The following KLHDC4 variants were observed in gnomAD, a reference collection of about 807,000 sequenced individuals.
KLHDC4 encodes the protein kelch domain-containing protein 4.
In KLHDC4, 90 loss-of-function variants were observed where a neutral mutation model predicts 62.4. That is an observed-to-expected ratio of 1.44 (90% CI 1.22 to 1.72). The LOEUF is 1.72. Ranked by LOEUF, KLHDC4 falls within the 40% of genes most tolerant of loss-of-function variation. KLHDC4 has a pLI of 0.00. For missense variants in KLHDC4, 1,025 were observed against 699.7 expected, an observed-to-expected ratio of 1.47 and a Z score of -5.25; for synonymous variants, 386 against 284.4, an observed-to-expected ratio of 1.36 and a Z score of -3.59.
chr16:87,753,339 C>T (rs1379271414), intron 4 of KLHDC4, among the ~76,000 whole-genome samples: 2 of 152,170 alleles, frequency 1.3e-5, no homozygotes, highest in African/African-American at 2.4e-5. Context: ...TCCAACCAGA[C>T]GAGGTGAAAA....
downstream of KLHDC4, among the ~76,000 whole-genome samples, chr16:87,703,928 GAGACTGGCCTCCAGCGCCCCCGGCC>G (rs1273048622): frequency 6.6e-6 from 1 of 152,064 alleles, no homozygotes; most frequent in Non-Finnish European, 1.5e-5. Flanking sequence ...CTATGAAAAC[GAGACTGGCCTCCAGCGCCCCCGGCC>G]TCCACACAAC....
chr16:87,754,289 T>C (rs182167253), intron 4 of KLHDC4, among the ~76,000 whole-genome samples: 1 of 152,140 alleles, frequency 6.6e-6, no homozygotes. Flanking sequence ...GAGGTTGCAA[T>C]GAGCCGAAAT....
chr16:87,703,607 C>G (rs992984247), downstream of KLHDC4, among the ~76,000 whole-genome samples: 2 of 152,252 alleles, frequency 1.3e-5, no homozygotes, highest in African/African-American at 4.8e-5. Flanking sequence ...GCGCTTCTCA[C>G]CCCTCAGTGA....
chr16:87,725,741 C>A (rs1403447687), intron 7 of KLHDC4, among the ~76,000 whole-genome samples: 1 of 152,172 alleles, frequency 6.6e-6, no homozygotes, highest in Admixed American at 6.5e-5. Flanking sequence ...GCAGCAGGCA[C>A]ATGTGAGGAG....
intron 11 of KLHDC4, 60 bp downstream of exon 11, chr16:87,708,290 A>T: frequency 8.8e-7 from 1 of 1,138,308 alleles, no homozygotes; most frequent in Non-Finnish European, 1.3e-6. Flanking sequence ...TCCGATAAAC[A>T]TGAAAAGCCT....
chr16:87,739,117 C>T, intron 5 of KLHDC4, among the ~76,000 whole-genome samples: 2 of 95,938 alleles, frequency 2.1e-5, no homozygotes, highest in Non-Finnish European at 4.3e-5. Flanking sequence ...AGCACCTCAT[C>T]CATCCACACA....
intron 7 of KLHDC4, among the ~76,000 whole-genome samples, chr16:87,720,628 CGA>C (rs1344438323): frequency 1.3e-5 from 2 of 152,252 alleles, no homozygotes; most frequent in Admixed American, 6.5e-5. Context: ...GGACCCATGA[CGA>C]GAGGACCCCC....
intron 2 of KLHDC4, among the ~76,000 whole-genome samples, 186 bp downstream of exon 2, chr16:87,761,763 A>G (rs2045928676): frequency 6.6e-6 from 1 of 152,226 alleles, no homozygotes; most frequent in Non-Finnish European, 1.5e-5. Flanking sequence ...CCCTGCTCCC[A>G]GGTTCCATGA....
chr16:87,757,162 A>G, intron 2 of KLHDC4, among the ~76,000 whole-genome samples: 1 of 151,442 alleles, frequency 6.6e-6, no homozygotes, highest in Non-Finnish European at 1.5e-5. Flanking sequence ...ATCACCTCAA[A>G]ACCATTCTAA....
chr16:87,744,149 C>T (rs2042667275), intron 5 of KLHDC4, among the ~76,000 whole-genome samples: 1 of 152,122 alleles, frequency 6.6e-6, no homozygotes, highest in South Asian at 2.1e-4. Flanking sequence ...GGTACAGTGG[C>T]TCATGCCTGT....
At chr16:87,765,611 AG>A (rs1008304696) in intron 1 of KLHDC4, among the ~76,000 whole-genome samples, 180 bp downstream of exon 1, 3 of 151,846 alleles carry the variant, frequency 2.0e-5, no homozygotes, top group African/African-American at 7.3e-5. Flanking sequence ...GAGACTCAGG[AG>A]GGGGCGGGCC....
In KLHDC4 at chr16:87,708,027, G is replaced by A; in HGVS notation, c.*50C>T. ...GCTTCACTCAACACGGCTGGGTCCT[G>A]GGCGGACGTGGGCACAGCACTTGCC... On this transcript the variant is annotated 3_prime_UTR_variant, in exon 12 of 12. Coordinates refer to ENST00000270583, the MANE Select transcript of KLHDC4 (RefSeq NM_017566.4). 1 of 507,458 alleles carries A rather than the reference G, an allele frequency of 2.0e-6. No individual in the cohort carries two copies. Among genetic ancestry groups the A allele is most frequent in the Non-Finnish European group, 3.8e-6 (1 of 260,358 alleles). 31.4% of individuals were successfully genotyped at this position (507,458 alleles called of 1,614,324 possible). A position where few individuals can be genotyped will look rare whatever the true frequency, so the allele number is the denominator to read the frequency against.
intron 4 of KLHDC4, among the ~76,000 whole-genome samples, chr16:87,752,575 T>C (rs1421975351): frequency 1.3e-5 from 2 of 151,978 alleles, no homozygotes; most frequent in Admixed American, 6.6e-5. Context: ...GACCTTGTGA[T>C]TCGCCCATCC....
chr16:87,760,027 A>G (rs1454647652), intron 2 of KLHDC4, among the ~76,000 whole-genome samples: 2 of 152,064 alleles, frequency 1.3e-5, no homozygotes, highest in Non-Finnish European at 1.5e-5. Flanking sequence ...TCATTCTCAC[A>G]AGGTTTTAAA....
chr16:87,735,811 G>C (rs1337692337), intron 5 of KLHDC4, among the ~76,000 whole-genome samples: 2 of 152,176 alleles, frequency 1.3e-5, no homozygotes, highest in African/African-American at 2.4e-5. Flanking sequence ...CGGCTGCCTC[G>C]AGGCTCAGCA....
At chr16:87,727,051 C>T in intron 6 of KLHDC4, 127 bp from the exon 7 acceptor site, 1 of 964,366 alleles carries the variant, frequency 1.0e-6, no homozygotes, top group Non-Finnish European at 1.5e-6. Context: ...CCATTTTTCT[C>T]CTCTGCTCTT....
rs575622500 is a variant in KLHDC4, at chr16:87,728,878, G to A, written c.599+1674C>T. Reference sequence around the variant, plus strand: ...CAACATCCGCCTCCCCAGTTCAAGCGATTCTCTTGTATCAGCCTCCCGAGT... The same window carrying A: ...CAACATCCGCCTCCCCAGTTCAAGCAATTCTCTTGTATCAGCCTCCCGAGT... On this transcript the variant is annotated intron_variant, in intron 6 of 11. Transcript: ENST00000270583. Among the ~76,000 whole-genome samples the A allele has an allele frequency of 7.9e-5, 12 of 152,232 alleles. No homozygotes were observed. In the Middle Eastern group the frequency reaches 0.014, roughly 173 times the overall value.
chr16:87,709,867 C>T (rs1026153894), intron 9 of KLHDC4, 200 bp from the exon 10 acceptor site: 22 of 631,794 alleles, frequency 3.5e-5, no homozygotes, highest in Middle Eastern at 4.1e-4. Flanking sequence ...CCACTAGCCT[C>T]GCCGTTCACT....
In KLHDC4 at chr16:87,715,762, C is replaced by T. The variant is rs532717022; in HGVS notation, c.760-1189G>A. On this transcript the variant is annotated intron_variant, in intron 7 of 11. Coordinates refer to ENST00000270583, the MANE Select transcript of KLHDC4 (RefSeq NM_017566.4). The stretch of plus-strand genomic sequence containing the variant: ...GACTCATCACAGTGGATGCTGACAT[C>T]GACCGCCTGGCTGAGGTCGTGTCTG... Among the ~76,000 whole-genome samples the T allele has an allele frequency of 5.3e-5, 8 of 152,332 alleles. No homozygotes were observed. The South Asian group carries it at 1.5e-3, about 28-fold the overall frequency.
Sources: allele counts gnomAD v4.1 joint callset (sites outside exome capture counted in the v4.1 genomes callset), GRCh38; gene constraint gnomAD v4.1.1; transcripts MANE v1.5; gene names NCBI Gene and HGNC (gene_info 2026-07-23, HGNC 2026-07-21).